TMEM50B: variants seen among roughly 807,000 people sequenced by gnomAD.
The protein encoded by TMEM50B is HCV p7-trans-regulated protein 3.
Under a neutral mutation model 23.4 loss-of-function variants are expected in TMEM50B, and 14 were observed. The ratio of observed to expected loss-of-function variants is 0.60; its 90% CI spans 0.39 to 0.93. The LOEUF is 0.93. TMEM50B is among the 40% of genes least tolerant of loss of function. TMEM50B has a pLI of 0.00. For missense variants in TMEM50B, 159 were observed against 193.0 expected (o/e 0.82, Z 1.04); for synonymous variants, 64 against 62.3 (o/e 1.03, Z -0.13).
At chr21:33,448,366 G>T (rs1308623002), downstream of TMEM50B, among the ~76,000 whole-genome samples, 4 of 152,164 alleles carry the variant, frequency 2.6e-5, no homozygotes, top group Non-Finnish European at 4.4e-5. Context: ...CAAATTCAGG[G>T]TTGGGTGTGG....
chr21:33,468,066 T>TAA lies in TMEM50B; in HGVS notation c.99+719_99+720dup, dbSNP rs3057402. Among the ~76,000 whole-genome samples the TAA allele has an allele frequency of 9.7e-4, 127 of 131,424 alleles. 1 individual carries two copies. The highest frequency in any genetic ancestry group is 3.1e-3 in the African/African-American group (111 of 35,746). The allele number at this position is 131,424 out of a possible 152,430, so 86.2% of individuals were successfully genotyped here. On this transcript the variant is annotated intron_variant, in intron 2 of 6. Transcript: ENST00000542230. The stretch of plus-strand genomic sequence containing the variant: ...ACAACATAGCAAGACCTCGTCTCTT[T>TAA]AAAAAAAAAAAAAAAAGTGCGGACA...
At chr21:33,436,800 T>C (rs2083958313) in intron 8 of TMEM50B, 1 of 1,608,418 alleles carries the variant, frequency 6.2e-7, no homozygotes. Context: ...GTAAACTAAT[T>C]ACAATTTTGC....
intron 7 of TMEM50B, among the ~76,000 whole-genome samples, chr21:33,443,738 G>A (rs571751561): frequency 6.6e-6 from 1 of 152,300 alleles, no homozygotes; most frequent in Non-Finnish European, 1.5e-5. Flanking sequence ...GTATCGCAGT[G>A]ATGTTTGGGG....
At chr21:33,454,515 G>A (rs1303721255) in intron 6 of TMEM50B, among the ~76,000 whole-genome samples, 1 of 152,022 alleles carries the variant, frequency 6.6e-6, no homozygotes, top group East Asian at 1.9e-4. Flanking sequence ...TGGCCAGGCT[G>A]GTCTCGAACC....
chr21:33,468,881 G>C lies in TMEM50B; in HGVS notation c.5C>G (p.Ala2Gly), dbSNP rs1272870841. ...CCAACGAAAATTATCTAGGAAGCCT[G>C]CCATTTTTACTTCTTAAGCATAAAT... is the stretch of plus-strand genomic sequence containing the variant. MAGFLDNFRWPE... is the reference protein window; with the variant it reads MGGFLDNFRWPE... Residue 2 changes from alanine to glycine, a missense_variant, in exon 2 of 7, where the codon GCA (alanine) becomes GGA (glycine). Ala to Gly is a moderately conservative substitution (Grantham distance 60). Transcript: ENST00000542230. 6.2e-7 allele frequency: 1 copy of C among 1,612,458 alleles called. No homozygotes were observed. The highest frequency in any genetic ancestry group is 1.3e-5 in the African/African-American group (1 of 74,832).
intron 6 of TMEM50B, 126 bp downstream of exon 6, chr21:33,455,601 T>C: frequency 1.2e-6 from 1 of 829,132 alleles, no homozygotes; most frequent in East Asian, 2.5e-5. Context: ...ATTCTCACCT[T>C]TTAAAAGAAG....
At chr21:33,462,655 G>C (rs2084227441) in intron 4 of TMEM50B, among the ~76,000 whole-genome samples, 1 of 152,116 alleles carries the variant, frequency 6.6e-6, no homozygotes, top group South Asian at 2.1e-4. Flanking sequence ...CTGGGAGACA[G>C]AGCAAGACCT....
intron 8 of TMEM50B, chr21:33,432,827 T>C: frequency 6.2e-7 from 1 of 1,613,806 alleles, no homozygotes; most frequent in Non-Finnish European, 8.5e-7. Flanking sequence ...CCTGATTAAA[T>C]ACTGGTTTCA....
intron 8 of TMEM50B, among the ~76,000 whole-genome samples, chr21:33,436,368 A>G (rs117443072): frequency 0.027 from 4,097 of 152,160 alleles, 62 homozygotes; most frequent in Non-Finnish European, 0.038. Flanking sequence ...AAAAAGAAAA[A>G]TAAGTTATGT....
chr21:33,465,686 G>C (rs977402882), intron 3 of TMEM50B, among the ~76,000 whole-genome samples: 1 of 152,110 alleles, frequency 6.6e-6, no homozygotes, highest in Non-Finnish European at 1.5e-5. Flanking sequence ...TGGATTCTTT[G>C]TCTATTTCAC....
At chr21:33,437,084 C>A in intron 8 of TMEM50B, 1 of 950,082 alleles carries the variant, frequency 1.1e-6, no homozygotes, top group Non-Finnish European at 1.7e-6. Context: ...AAGGCCTGTC[C>A]CTGCAGACAT....
intron 7 of TMEM50B, among the ~76,000 whole-genome samples, chr21:33,440,655 G>A (rs751389298): frequency 1.3e-5 from 2 of 151,332 alleles, no homozygotes; most frequent in Non-Finnish European, 2.9e-5. Flanking sequence ...GGCTGAGGCA[G>A]GAGGGATCAT....
chr21:33,471,599 T>C (rs1180253672), intron 1 of TMEM50B, among the ~76,000 whole-genome samples: 1 of 152,084 alleles, frequency 6.6e-6, no homozygotes, highest in Non-Finnish European at 1.5e-5. Flanking sequence ...CAGGAGCCAA[T>C]GTGATGGCTT....
chr21:33,443,763 G>T (rs2084028538), intron 7 of TMEM50B, among the ~76,000 whole-genome samples: 1 of 152,200 alleles, frequency 6.6e-6, no homozygotes, highest in African/African-American at 2.4e-5. Flanking sequence ...ATATACACAG[G>T]ATTCAAGGGT....
In TMEM50B at chr21:33,442,042, G is replaced by T. The variant is rs1309092241; in HGVS notation, c.*2037-2745C>A. The stretch of plus-strand genomic sequence containing the variant: ...TTGCTTGTTTGTTTGAAGCACAAGT[G>T]ACTCCATTTTGATTCTGACAACTTC... On this transcript the variant is annotated intron_variant and NMD_transcript_variant, in intron 7 of 8. Transcript: ENST00000420455. Among the ~76,000 whole-genome samples, 4 of 152,030 alleles carry T rather than the reference G, an allele frequency of 2.6e-5. No homozygotes were observed. The East Asian group carries it at 7.7e-4, about 29-fold the overall frequency.
intron 7 of TMEM50B, among the ~76,000 whole-genome samples, chr21:33,441,886 C>T (rs1257627018): frequency 2.0e-5 from 3 of 152,198 alleles, no homozygotes; most frequent in Non-Finnish European, 4.4e-5. Context: ...CTGCCTCAAC[C>T]TTCTAAAATG....
At chr21:33,445,532 G>C (rs1029514985), downstream of TMEM50B, among the ~76,000 whole-genome samples, 1 of 152,244 alleles carries the variant, frequency 6.6e-6, no homozygotes, top group Non-Finnish European at 1.5e-5. Flanking sequence ...CGGGCACGGC[G>C]CCTGTAATTC....
At chr21:33,457,497 A>G (rs1360217943) in intron 5 of TMEM50B, among the ~76,000 whole-genome samples, 1 of 151,772 alleles carries the variant, frequency 6.6e-6, no homozygotes. Context: ...TAAAAATACA[A>G]AAAATTAGCT....
chr21:33,441,090 C>T (rs1402832437), intron 7 of TMEM50B, among the ~76,000 whole-genome samples: 2 of 151,488 alleles, frequency 1.3e-5, no homozygotes, highest in African/African-American at 2.4e-5. Context: ...ATCAGCCCAG[C>T]GCAGTGGCAG....
Sources: gnomAD v4.1 joint callset for allele counts (sites outside exome capture counted in the v4.1 genomes callset) on GRCh38, gnomAD v4.1.1 for gene constraint, MANE v1.5 for transcripts, NCBI Gene and HGNC (gene_info 2026-07-23, HGNC 2026-07-21) for gene names.